Variants in GPR15LG observed in about 807,000 individuals in gnomAD.
The protein encoded by GPR15LG is G protein-coupled receptor 15 ligand.
chr10:84,177,047 G>A, the GPR15LG span, among the ~76,000 whole-genome samples: 1 of 152,348 alleles, frequency 6.6e-6, no homozygotes, highest in East Asian at 1.9e-4. Flanking sequence ...GCACAGATCA[G>A]CATGCAGGTC....
chr10:84,176,365 G>C, the GPR15LG span: 1 of 772,324 alleles, frequency 1.3e-6, no homozygotes. Flanking sequence ...TCGTAGCCTG[G>C]CTCATCCTGA....
At chr10:84,181,835 C>T in the GPR15LG span, among the ~76,000 whole-genome samples, 1 of 152,250 alleles carries the variant, frequency 6.6e-6, no homozygotes, top group African/African-American at 2.4e-5. Context: ...TGGGGTCAGA[C>T]TGATGGCTGT....
the GPR15LG span, among the ~76,000 whole-genome samples, chr10:84,177,410 C>T: frequency 6.6e-6 from 1 of 152,220 alleles, no homozygotes; most frequent in African/African-American, 2.4e-5. Context: ...TGACACCAAC[C>T]TGGGGCTCCT....
chr10:84,181,917 G>A, the GPR15LG span, among the ~76,000 whole-genome samples: 2 of 152,236 alleles, frequency 1.3e-5, no homozygotes, highest in African/African-American at 4.8e-5. Context: ...TACGCATCCT[G>A]GGGCCACGGT....
At chr10:84,174,049 ATGGGC>A in the GPR15LG span, 1 of 734,016 alleles carries the variant, frequency 1.4e-6, no homozygotes, top group South Asian at 1.5e-5. Flanking sequence ...CCCCGGAAAG[ATGGGC>A]TCTTTCTCCT....
the GPR15LG span, among the ~76,000 whole-genome samples, chr10:84,177,471 C>T: frequency 2.0e-5 from 3 of 152,324 alleles, no homozygotes; most frequent in South Asian, 2.1e-4. Flanking sequence ...GAGGAGGTCC[C>T]GGCCCCACTT....
chr10:84,182,046 C>T, the GPR15LG span, among the ~76,000 whole-genome samples: 71 of 152,294 alleles, frequency 4.7e-4, no homozygotes, highest in Middle Eastern at 3.4e-3. Context: ...ATGGCTGAGC[C>T]CATAGTGGGA....
At chr10:84,183,835 G>A in the GPR15LG span, among the ~76,000 whole-genome samples, 1 of 151,746 alleles carries the variant, frequency 6.6e-6, no homozygotes, top group Non-Finnish European at 1.5e-5. Flanking sequence ...TGGTAGAGAC[G>A]GCATTTCATC....
chr10:84,178,579 A>T, the GPR15LG span, among the ~76,000 whole-genome samples: 1 of 151,962 alleles, frequency 6.6e-6, no homozygotes, highest in Non-Finnish European at 1.5e-5. Flanking sequence ...ACACACACAC[A>T]CTACACAACT....
chr10:84,183,484 C>T, the GPR15LG span, among the ~76,000 whole-genome samples: 1 of 152,032 alleles, frequency 6.6e-6, no homozygotes, highest in Non-Finnish European at 1.5e-5. Flanking sequence ...ACGTGTTTAC[C>T]TGGTTTTATT....
At chr10:84,174,301 G>T in the GPR15LG span, among the ~76,000 whole-genome samples, 4 of 152,106 alleles carry the variant, frequency 2.6e-5, no homozygotes, top group Non-Finnish European at 4.4e-5. Context: ...TTGGGCAAAT[G>T]AATACATTAA....
chr10:84,183,702 G>A, the GPR15LG span, among the ~76,000 whole-genome samples: 193 of 151,322 alleles, frequency 1.3e-3, no homozygotes, highest in Non-Finnish European at 2.3e-3. Flanking sequence ...GCTGGAGTGC[G>A]GTGGCTCAAT....
At chr10:84,173,857 G>T in the GPR15LG span, 1 of 1,612,888 alleles carries the variant, frequency 6.2e-7, no homozygotes, top group Non-Finnish European at 8.5e-7. Flanking sequence ...TCACCATGAG[G>T]CTTCTAGTCC....
chr10:84,178,787 T>G, the GPR15LG span, among the ~76,000 whole-genome samples: 3 of 152,248 alleles, frequency 2.0e-5, no homozygotes, highest in African/African-American at 7.2e-5. Context: ...TGAGACTGGA[T>G]TTCTTTCTGT....
chr10:84,184,995 C>G, the GPR15LG span: 1 of 1,373,240 alleles, frequency 7.3e-7, no homozygotes, highest in Non-Finnish European at 9.4e-7. Flanking sequence ...CACAGGGCCT[C>G]AGTCGCCACC....
the GPR15LG span, among the ~76,000 whole-genome samples, chr10:84,179,929 G>T: frequency 6.6e-6 from 1 of 150,916 alleles, no homozygotes; most frequent in Non-Finnish European, 1.5e-5. Context: ...TTCTTGGAGA[G>T]GGGGATTTGG....
At chr10:84,177,147 G>C in the GPR15LG span, among the ~76,000 whole-genome samples, 3 of 152,198 alleles carry the variant, frequency 2.0e-5, no homozygotes, top group Non-Finnish European at 4.4e-5. Context: ...CAGCATCCAG[G>C]CTGCATGACC....
At chr10:84,181,636 G>A in the GPR15LG span, among the ~76,000 whole-genome samples, 1 of 152,062 alleles carries the variant, frequency 6.6e-6, no homozygotes, top group African/African-American at 2.4e-5. Flanking sequence ...GCCCAGGCTG[G>A]TCTTGAACTC....
chr10:84,184,531 G>A, the GPR15LG span: 1 of 819,768 alleles, frequency 1.2e-6, no homozygotes, highest in Non-Finnish European at 2.0e-6. Context: ...CCAGGGAAAA[G>A]CATAAGATCT....
Sources: allele counts gnomAD v4.1 joint callset (sites outside exome capture counted in the v4.1 genomes callset), GRCh38; gene constraint gnomAD v4.1.1; transcripts MANE v1.5; gene names NCBI Gene and HGNC (gene_info 2026-07-23, HGNC 2026-07-21).